Variants in BTBD9 observed in about 807,000 individuals in gnomAD.
The protein encoded by BTBD9 is BTB/POZ domain-containing protein 9.
BTBD9 carries 49 observed loss-of-function variants against 64.3 expected under a neutral mutation model. The observed-to-expected ratio is 0.76, with a 90% CI of 0.61 to 0.97. The LOEUF is 0.97. BTBD9 is among the 50% of genes least tolerant of loss of function. The pLI, the probability that BTBD9 is intolerant of heterozygous loss-of-function variation, is 0.00. For synonymous variants in BTBD9, 260 were observed against 274.7 expected (o/e 0.95, Z 0.53); for missense variants, 598 against 762.1 (o/e 0.78, Z 2.53).
intron 6 of BTBD9, among the ~76,000 whole-genome samples, chr6:38,359,530 G>A (rs1764869654): frequency 6.6e-6 from 1 of 152,136 alleles, no homozygotes; most frequent in Admixed American, 6.5e-5. Context: ...ATGTCTTACT[G>A]CCTAGAGAAA....
At chr6:38,527,046 A>G (rs12529981) in intron 6 of BTBD9, among the ~76,000 whole-genome samples, 28,141 of 151,854 alleles carry the variant, frequency 0.19, 2,650 homozygotes, top group East Asian at 0.27. Flanking sequence ...GAGGCCAGGC[A>G]GATGGATCAT....
chr6:38,557,868 C>T (rs1328852400), intron 6 of BTBD9, among the ~76,000 whole-genome samples: 2 of 152,182 alleles, frequency 1.3e-5, no homozygotes, highest in African/African-American at 2.4e-5. Flanking sequence ...TGGACATAGC[C>T]AAGTTAGAAT....
intron 9 of BTBD9, among the ~76,000 whole-genome samples, chr6:38,202,650 A>T (rs1582043708): frequency 6.6e-6 from 1 of 152,122 alleles, no homozygotes; most frequent in African/African-American, 2.4e-5. Context: ...GGAACCAAGA[A>T]CTTACACCAG....
At chr6:38,553,547 A>G (rs990353291) in intron 6 of BTBD9, among the ~76,000 whole-genome samples, 1 of 152,350 alleles carries the variant, frequency 6.6e-6, no homozygotes. Context: ...TAAAAGATCA[A>G]GAGCAAAAAG....
rs1167256417 is a variant in BTBD9, at chr6:38,178,602, G to A, written c.1642-3420C>T. 2.6e-5 allele frequency among the ~76,000 whole-genome samples: 4 copies of A among 152,258 alleles called. No homozygotes were observed. In the East Asian group the frequency reaches 5.8e-4, roughly 22 times the overall value. On this transcript the variant is annotated intron_variant, in intron 10 of 10. Transcript: ENST00000481247. Reference sequence around the variant, plus strand: ...GCTTCCTGGGGGAGGAGACATCTGAGGTGAGTCTGGAAGGAAGAGGCAGCC... The same window carrying A: ...GCTTCCTGGGGGAGGAGACATCTGAAGTGAGTCTGGAAGGAAGAGGCAGCC...
chr6:38,530,674 G>A (rs1306354673), intron 6 of BTBD9, among the ~76,000 whole-genome samples: 1 of 152,016 alleles, frequency 6.6e-6, no homozygotes, highest in Non-Finnish European at 1.5e-5. Flanking sequence ...GACAGAGATA[G>A]GTGACCTTTC....
Position 38,190,798 on chromosome 6 carries a change from CT to C in BTBD9, c.1641+1720del, listed in dbSNP as rs561582866. Among the ~76,000 whole-genome samples, 13 of 152,324 alleles carry C rather than the reference CT, an allele frequency of 8.5e-5. No homozygotes were observed. In the East Asian group the frequency reaches 2.5e-3, roughly 29 times the overall value. ...TGAAAAAAAAGTCCAAGATTCTCTT[CT>C]TCTTCCTTGGTCACTGAGGTAACAG... On this transcript the variant is annotated intron_variant, in intron 10 of 10. Transcript: ENST00000481247.
intron 6 of BTBD9, among the ~76,000 whole-genome samples, chr6:38,354,901 G>C (rs182663962): frequency 1.2e-3 from 176 of 151,522 alleles, no homozygotes; most frequent in African/African-American, 3.2e-3. Context: ...AGGAGAGAAA[G>C]AGAGAGACAG....
chr6:38,486,766 A>G (rs1368737916), intron 6 of BTBD9, among the ~76,000 whole-genome samples: 1 of 152,266 alleles, frequency 6.6e-6, no homozygotes, highest in Non-Finnish European at 1.5e-5. Context: ...TAGGCACACA[A>G]GTAAGCACAT....
Position 38,604,117 on chromosome 6 carries a change from A to G in BTBD9, c.-27-5996T>C, listed in dbSNP as rs374139797. ...TTGACTCTGATATTTTGCAAACCCA[A>G]TTCTAAACCTTGCAGAAGAGAATTA... On this transcript the variant is annotated intron_variant, in intron 1 of 10. Coordinates refer to ENST00000481247, the MANE Select transcript of BTBD9 (RefSeq NM_001099272.2). 2.2e-4 allele frequency among the ~76,000 whole-genome samples: 34 copies of G among 152,284 alleles called. No individual in the cohort carries two copies. The South Asian group carries it at 6.8e-3, about 31-fold the overall frequency.
intron 6 of BTBD9, among the ~76,000 whole-genome samples, chr6:38,489,071 T>C (rs929526688): frequency 6.6e-6 from 1 of 152,036 alleles, no homozygotes; most frequent in Non-Finnish European, 1.5e-5. Flanking sequence ...AATTTTTGTA[T>C]GTTTTGTAGA....
chr6:38,397,847 G>A (rs1766749774), intron 6 of BTBD9, among the ~76,000 whole-genome samples: 1 of 152,226 alleles, frequency 6.6e-6, no homozygotes, highest in Non-Finnish European at 1.5e-5. Context: ...ATGGGAGTAA[G>A]GAAGTATACT....
intron 10 of BTBD9, among the ~76,000 whole-genome samples, chr6:38,183,513 T>C (rs1208778006): frequency 2.0e-5 from 3 of 152,130 alleles, no homozygotes; most frequent in African/African-American, 7.2e-5. Flanking sequence ...CCTCAGTGCA[T>C]CCTCTGCCTC....
chr6:38,559,463 G>A (rs1164919907), intron 6 of BTBD9, among the ~76,000 whole-genome samples: 2 of 152,106 alleles, frequency 1.3e-5, no homozygotes, highest in African/African-American at 2.4e-5. Context: ...ACATGCTCAC[G>A]GACTGGAAGA....
chr6:38,199,651 G>C (rs1484050941), intron 9 of BTBD9, among the ~76,000 whole-genome samples: 2 of 152,332 alleles, frequency 1.3e-5, no homozygotes, highest in Non-Finnish European at 2.9e-5. Context: ...TCTTGGGTAA[G>C]GTGACAAATG....
intron 6 of BTBD9, among the ~76,000 whole-genome samples, chr6:38,383,506 T>C (rs1303448691): frequency 6.6e-6 from 1 of 152,188 alleles, no homozygotes; most frequent in Non-Finnish European, 1.5e-5. Context: ...TGCATTTCTA[T>C]ACATTCTGCA....
In BTBD9 at chr6:38,424,778, A is replaced by G. The variant is rs576238952; in HGVS notation, c.1155-79685T>C. Reference sequence around the variant, plus strand: ...GTGATCCACCTGCCTCAGCCTCCCAAAGGCCTGGGATTACAGGCATGTGCC... The same window carrying G: ...GTGATCCACCTGCCTCAGCCTCCCAGAGGCCTGGGATTACAGGCATGTGCC... On this transcript the variant is annotated intron_variant, in intron 6 of 10. Transcript: ENST00000481247. Among the ~76,000 whole-genome samples the G allele has an allele frequency of 2.0e-5, 3 of 151,760 alleles. No homozygotes were observed. In the South Asian group the frequency reaches 6.3e-4, roughly 32 times the overall value.
intron 7 of BTBD9, among the ~76,000 whole-genome samples, chr6:38,311,717 T>C (rs1258899918): frequency 2.6e-5 from 4 of 152,230 alleles, no homozygotes; most frequent in Non-Finnish European, 5.9e-5. Context: ...AAGGGTTCCC[T>C]TTTCCCCACA....
chr6:38,320,607 G>A lies in BTBD9; in HGVS notation c.1264+24377C>T, dbSNP rs188078517. Among the ~76,000 whole-genome samples, 18 of 152,232 alleles carry A rather than the reference G, an allele frequency of 1.2e-4. 1 individual carries two copies. The South Asian group carries it at 3.5e-3, about 30-fold the overall frequency. ...AAACAGCTTCCTAGGCAACGTCAAG[G>A]AAGCCATTTAACCATTCTGTGACTG... On this transcript the variant is annotated intron_variant, in intron 7 of 10. Transcript: ENST00000481247.
Sources: allele counts gnomAD v4.1 joint callset (sites outside exome capture counted in the v4.1 genomes callset), GRCh38; gene constraint gnomAD v4.1.1; transcripts MANE v1.5; gene names NCBI Gene and HGNC (gene_info 2026-07-23, HGNC 2026-07-21).